Variants in OPHN1 observed in about 807,000 individuals in gnomAD.
The protein encoded by OPHN1 is oligophrenin-1.
In OPHN1, 11 loss-of-function variants were observed where a neutral mutation model predicts 60.7. The observed-to-expected ratio is 0.18, with a 90% CI of 0.11 to 0.30. The LOEUF (loss-of-function observed/expected upper bound fraction) is 0.30, where lower values mean the gene tolerates loss of function less well. Among genes scored for constraint, OPHN1 ranks in the 10% least tolerant of loss-of-function variants. The probability of loss-of-function intolerance (pLI) is 1.00; values close to 1 mark genes in which losing one functional copy is unlikely to be tolerated. For synonymous variants in OPHN1, 226 were observed against 222.6 expected (o/e 1.02, Z -0.14); for missense variants, 449 against 611.0 (o/e 0.73, Z 2.80).
intron 19 of OPHN1, among the ~76,000 whole-genome samples, chrX:68,090,547 C>T (rs759120099): frequency 2.7e-5 from 3 of 110,582 alleles, no homozygotes; most frequent in East Asian, 5.7e-4. Flanking sequence ...GGTTGCTAGA[C>T]TGGGTGTCTG....
At chrX:68,303,158 C>T (rs1294818746) in intron 2 of OPHN1, among the ~76,000 whole-genome samples, 1 of 111,747 alleles carries the variant, frequency 8.9e-6, no homozygotes, top group Non-Finnish European at 1.9e-5. Context: ...ACAATCTATA[C>T]TTCAGTGCAA....
Position 68,433,179 on chromosome X carries a change from A to G in OPHN1, c.-16T>C, listed in dbSNP as rs1046778327. On this transcript the variant is annotated 5_prime_UTR_variant, in exon 1 of 25. Transcript: ENST00000355520. Reference sequence around the variant, plus strand: ...TGGAGGACAGGTACCTGTTTCAGTGAGACTCCTGAGGAGCGCTGGCTGGTC... The same window carrying G: ...TGGAGGACAGGTACCTGTTTCAGTGGGACTCCTGAGGAGCGCTGGCTGGTC... 3.3e-5 allele frequency: 18 copies of G among 537,521 alleles called. No individual in the cohort carries two copies. The highest frequency in any genetic ancestry group is 4.7e-5 in the African/African-American group (2 of 42,612). 44.3% of individuals were successfully genotyped at this position (537,521 alleles called of 1,213,427 possible). A position where few individuals can be genotyped will look rare whatever the true frequency, so the allele number is the denominator to read the frequency against.
chrX:68,163,296 T>C (rs2077343041), intron 15 of OPHN1, among the ~76,000 whole-genome samples: 1 of 111,457 alleles, frequency 9.0e-6, no homozygotes, highest in African/African-American at 3.2e-5. Context: ...TTTTTTGTTG[T>C]TTAAATTCCA....
At chrX:68,433,688 AGCCG>A (rs1173546074), upstream of OPHN1, 1 of 296,684 alleles carries the variant, frequency 3.4e-6, no homozygotes, top group Non-Finnish European at 5.9e-6. Flanking sequence ...GGTGCAAGGG[AGCCG>A]GCCGGCCGGC....
chrX:68,390,575 G>A lies in OPHN1; in HGVS notation c.154+42292C>T, dbSNP rs149456135. The stretch of plus-strand genomic sequence containing the variant: ...AATTGCGCCACTGCACTCCAGCCCA[G>A]GTGACAGAGTGAAACTGTCTCAAAA... On this transcript the variant is annotated intron_variant, in intron 2 of 24. Transcript: ENST00000355520. Among the ~76,000 whole-genome samples, 163 of 111,745 alleles carry A rather than the reference G, an allele frequency of 1.5e-3. 1 individual carries two copies. The highest frequency in any genetic ancestry group is 5.0e-3 in the African/African-American group (153 of 30,733).
At chrX:68,422,566 GGAAAGAAAGAAGGGAGGGAA>G (rs2078831569) in intron 2 of OPHN1, among the ~76,000 whole-genome samples, 1 of 86,926 alleles carries the variant, frequency 1.2e-5, no homozygotes, top group Non-Finnish European at 2.2e-5. Context: ...GAGGGAGGGA[GGAAAGAAAGAAGGGAGGGAA>G]GAAAGAAAGA....
chrX:68,301,216 C>A (rs911240844), intron 2 of OPHN1, among the ~76,000 whole-genome samples: 2 of 111,016 alleles, frequency 1.8e-5, no homozygotes, highest in Non-Finnish European at 3.8e-5. Context: ...GACACTGAGG[C>A]GGGCAGATCA....
chrX:68,059,302 T>C (rs959342332), intron 21 of OPHN1, among the ~76,000 whole-genome samples: 9 of 111,677 alleles, frequency 8.1e-5, no homozygotes, highest in Admixed American at 1.9e-4. Context: ...TGGTCATCAG[T>C]ATTCAACCTT....
intron 2 of OPHN1, among the ~76,000 whole-genome samples, chrX:68,430,352 G>C (rs1340505801): frequency 8.9e-6 from 1 of 111,866 alleles, no homozygotes; most frequent in African/African-American, 3.2e-5. Flanking sequence ...GAATGGGTTA[G>C]CTGCTGGGTT....
chrX:68,077,667 A>G (rs771360444), intron 19 of OPHN1, among the ~76,000 whole-genome samples: 24 of 112,484 alleles, frequency 2.1e-4, no homozygotes, highest in African/African-American at 7.1e-4. Flanking sequence ...AAGCATACAC[A>G]TTAAATTGTT....
intron 3 of OPHN1, among the ~76,000 whole-genome samples, chrX:68,288,623 G>A (rs954119386): frequency 4.5e-5 from 5 of 110,624 alleles, no homozygotes; most frequent in African/African-American, 1.3e-4. Context: ...AATTAGCCGA[G>A]CGTGGAAGCA....
chrX:68,090,416 C>A (rs1180844120), intron 19 of OPHN1, among the ~76,000 whole-genome samples: 1 of 110,787 alleles, frequency 9.0e-6, no homozygotes, highest in East Asian at 2.8e-4. Context: ...TTCCAGAAAT[C>A]AGTTGGAGGG....
At chrX:68,100,041 T>A (rs2077051706) in intron 18 of OPHN1, among the ~76,000 whole-genome samples, 1 of 111,751 alleles carries the variant, frequency 8.9e-6, no homozygotes, top group African/African-American at 3.3e-5. Context: ...TCTCTGGGCC[T>A]ATCTTTTTCC....
In OPHN1 at chrX:68,397,646, C is replaced by T. The variant is rs1451906388; in HGVS notation, c.154+35221G>A. 3.2e-4 allele frequency among the ~76,000 whole-genome samples: 34 copies of T among 106,595 alleles called. No homozygotes were observed. In the East Asian group the frequency reaches 5.0e-3, roughly 16 times the overall value. 92.6% of individuals were successfully genotyped at this position (106,595 alleles called of 115,157 possible). The stretch of plus-strand genomic sequence containing the variant: ...CAAGTGATTCTCCTGCCTCAGCCTC[C>T]GAAGTAGCTGGGATTACAGGCACCC... On this transcript the variant is annotated intron_variant, in intron 2 of 24. Coordinates refer to ENST00000355520, the MANE Select transcript of OPHN1 (RefSeq NM_002547.3).
rs937340094 is a variant in OPHN1, at chrX:68,433,300, T to G, written c.-137A>C. 56 of 350,445 alleles carry G rather than the reference T, an allele frequency of 1.6e-4. No homozygotes were observed. The highest frequency in any genetic ancestry group is 1.4e-3 in the African/African-American group (55 of 38,959). 28.9% of individuals were successfully genotyped at this position (350,445 alleles called of 1,213,427 possible). A position where few individuals can be genotyped will look rare whatever the true frequency, so the allele number is the denominator to read the frequency against. On this transcript the variant is annotated 5_prime_UTR_variant, in exon 1 of 25. An upstream start codon of the reference 5' UTR is lost. Transcript: ENST00000355520. ...GCAGGGTGCTGCCTAGCAAGCAGCA[T>G]GTCCCTTAGGCATCGCCTTCCCAGA...
intron 5 of OPHN1, among the ~76,000 whole-genome samples, chrX:68,237,658 A>G (rs1441412857): frequency 8.9e-6 from 1 of 112,350 alleles, no homozygotes; most frequent in Non-Finnish European, 1.9e-5. Flanking sequence ...ATGTCAATAG[A>G]CATACAATTT....
intron 15 of OPHN1, among the ~76,000 whole-genome samples, chrX:68,177,117 G>A (rs900692686): frequency 2.7e-5 from 3 of 109,858 alleles, no homozygotes; most frequent in Non-Finnish European, 5.7e-5. Context: ...AGCCAGTCAC[G>A]CAAAGACAAA....
At chrX:68,337,614 G>A (rs1427229753) in intron 2 of OPHN1, among the ~76,000 whole-genome samples, 1 of 110,711 alleles carries the variant, frequency 9.0e-6, no homozygotes, top group Non-Finnish European at 1.9e-5. Flanking sequence ...AGCTTCCTGA[G>A]TTGCTAGGAT....
At chrX:68,305,875 C>A (rs750184328) in intron 2 of OPHN1, among the ~76,000 whole-genome samples, 1 of 112,042 alleles carries the variant, frequency 8.9e-6, no homozygotes, top group African/African-American at 3.2e-5. Context: ...TTTATATGTT[C>A]ACTTTTCAAC....
Sources: gnomAD v4.1 joint callset for allele counts (sites outside exome capture counted in the v4.1 genomes callset) on GRCh38, gnomAD v4.1.1 for gene constraint, MANE v1.5 for transcripts, NCBI Gene and HGNC (gene_info 2026-07-23, HGNC 2026-07-21) for gene names.